Variants in ELP4 observed in about 807,000 individuals in gnomAD.
ELP4 encodes the protein elongator acetyltransferase complex subunit 4.
In ELP4, 51 loss-of-function variants were observed where a neutral mutation model predicts 48.9. That is an observed-to-expected ratio of 1.04 (90% CI 0.83 to 1.32). The LOEUF is 1.32. Among genes scored for constraint, ELP4 ranks in the 40% most tolerant of loss-of-function variants. The pLI is 0.00. For missense variants in ELP4, 519 were observed against 514.6 expected (o/e 1.01, Z -0.08); for synonymous variants, 210 against 189.2 (o/e 1.11, Z -0.90).
At position 31,790,161 on chromosome 11, in the gene ELP4, C is replaced by T; in HGVS notation, c.*6637C>T. 4.6e-6 allele frequency: 3 copies of T among 658,524 alleles called. No individual in the cohort carries two copies. The highest frequency in any genetic ancestry group is 7.8e-6 in the Non-Finnish European group (3 of 385,988). 40.8% of individuals were successfully genotyped at this position (658,524 alleles called of 1,614,324 possible). A position where few individuals can be genotyped will look rare whatever the true frequency, so the allele number is the denominator to read the frequency against. The stretch of plus-strand genomic sequence containing the variant: ...ATTTTTTACTGTATTAAAATCACTT[C>T]AATTGTTACAAATAAAAGTAGCACC... On this transcript the variant is annotated 3_prime_UTR_variant, in exon 10 of 10. Coordinates refer to ENST00000640961, the MANE Select transcript of ELP4 (RefSeq NM_019040.5).
chr11:31,774,178 A>AT lies in ELP4; in HGVS notation c.1144-9215_1144-9214insT, dbSNP rs1171219957. On this transcript the variant is annotated intron_variant, in intron 9 of 9. Coordinates refer to ENST00000640961, the MANE Select transcript of ELP4 (RefSeq NM_019040.5). Reference sequence around the variant, plus strand: ...CAACAAAGCGAGACTGTCTCAAAATAAATTTTTTAAAAAGACTTAACATTC... The same window carrying AT: ...CAACAAAGCGAGACTGTCTCAAAATATAATTTTTTAAAAAGACTTAACATTC... Among the ~76,000 whole-genome samples the AT allele has an allele frequency of 3.9e-5, 6 of 152,308 alleles. No individual in the cohort carries two copies. In the East Asian group the frequency reaches 1.2e-3, roughly 29 times the overall value.
At chr11:31,589,439 T>C (rs1957533465) in intron 3 of ELP4, among the ~76,000 whole-genome samples, 1 of 152,144 alleles carries the variant, frequency 6.6e-6, no homozygotes, top group Non-Finnish European at 1.5e-5. Context: ...TATATATAAA[T>C]ATGGACAGTA....
chr11:31,770,419 G>A (rs909564451), intron 9 of ELP4, among the ~76,000 whole-genome samples: 4 of 152,068 alleles, frequency 2.6e-5, no homozygotes, highest in Non-Finnish European at 4.4e-5. Context: ...GGAGAGAGGG[G>A]GCTGGTCAGG....
intron 9 of ELP4, among the ~76,000 whole-genome samples, chr11:31,768,851 C>A (rs1169348070): frequency 6.6e-6 from 1 of 152,064 alleles, no homozygotes; most frequent in African/African-American, 2.4e-5. Context: ...TAGAAGCAGC[C>A]CTATCTGGGG....
chr11:31,626,135 GCA>G (rs2134036106), intron 5 of ELP4, among the ~76,000 whole-genome samples: 1 of 151,836 alleles, frequency 6.6e-6, no homozygotes, highest in South Asian at 2.1e-4. Flanking sequence ...CATTGATTTT[GCA>G]CACTAAGCAG....
intron 9 of ELP4, among the ~76,000 whole-genome samples, chr11:31,751,843 T>C (rs1210886573): frequency 6.6e-6 from 1 of 152,140 alleles, no homozygotes; most frequent in Non-Finnish European, 1.5e-5. Context: ...TCTCATTGAC[T>C]CCTCACCTCC....
At chr11:31,772,665 G>C (rs545761202) in intron 9 of ELP4, among the ~76,000 whole-genome samples, 1 of 152,288 alleles carries the variant, frequency 6.6e-6, no homozygotes, top group African/African-American at 2.4e-5. Context: ...CCTCACTTCT[G>C]CTCTTTTCCC....
At chr11:31,564,554 G>A (rs186014155) in intron 3 of ELP4, among the ~76,000 whole-genome samples, 42 of 152,040 alleles carry the variant, frequency 2.8e-4, no homozygotes, top group African/African-American at 1.0e-3. Flanking sequence ...ACAAGCCCCG[G>A]TGTGTGATGT....
intron 9 of ELP4, among the ~76,000 whole-genome samples, chr11:31,671,253 C>CA (rs1175650757): frequency 1.3e-5 from 2 of 151,808 alleles, no homozygotes; most frequent in Non-Finnish European, 2.9e-5. Flanking sequence ...TTTTTTGGAC[C>CA]AAAAAAATTG....
chr11:31,636,901 A>G (rs1944990077), intron 7 of ELP4, among the ~76,000 whole-genome samples: 1 of 152,008 alleles, frequency 6.6e-6, no homozygotes, highest in South Asian at 2.1e-4. Context: ...TTAAGTGTAT[A>G]TGCATATAAT....
chr11:31,536,652 T>G (rs1956506724), intron 2 of ELP4, among the ~76,000 whole-genome samples: 1 of 152,214 alleles, frequency 6.6e-6, no homozygotes, highest in Non-Finnish European at 1.5e-5. Context: ...GCATCTGGTC[T>G]GCCAAACTGT....
chr11:31,677,880 TACTAA>T (rs1435195903), intron 9 of ELP4, among the ~76,000 whole-genome samples: 7 of 152,200 alleles, frequency 4.6e-5, no homozygotes, highest in Non-Finnish European at 1.0e-4. Flanking sequence ...CCATACTTTA[TACTAA>T]GATTCACTCT....
At chr11:31,661,798 A>G (rs1166356376) in intron 9 of ELP4, among the ~76,000 whole-genome samples, 3 of 152,124 alleles carry the variant, frequency 2.0e-5, no homozygotes, top group Non-Finnish European at 4.4e-5. Context: ...ATCAGCTAAT[A>G]AGATAATGAG....
intron 5 of ELP4, among the ~76,000 whole-genome samples, chr11:31,616,308 AG>A (rs1448417626): frequency 1.3e-5 from 2 of 152,128 alleles, no homozygotes; most frequent in Admixed American, 1.3e-4. Flanking sequence ...AATCTTCAAC[AG>A]GGTACCAAGG....
chr11:31,517,594 A>G lies in ELP4; in HGVS notation c.224-2462A>G, dbSNP rs374870339. Among the ~76,000 whole-genome samples the G allele has an allele frequency of 3.5e-4, 53 of 152,122 alleles. 1 individual carries two copies. Among genetic ancestry groups the G allele is most frequent in the African/African-American group, 1.2e-3 (50 of 41,512 alleles). On this transcript the variant is annotated intron_variant, in intron 1 of 9. Transcript: ENST00000640961. Reference sequence around the variant, plus strand: ...TGTATACAAAAAACAAACAATTAACATTGACTCCAGTTGTCCAACAACTTT... The same window carrying G: ...TGTATACAAAAAACAAACAATTAACGTTGACTCCAGTTGTCCAACAACTTT...
intron 9 of ELP4, among the ~76,000 whole-genome samples, chr11:31,710,450 C>A (rs1244198344): frequency 2.0e-5 from 3 of 151,980 alleles, no homozygotes; most frequent in Non-Finnish European, 4.4e-5. Context: ...CATGGTGAAA[C>A]CCTGTCTCCA....
intron 9 of ELP4, among the ~76,000 whole-genome samples, chr11:31,725,335 A>G (rs1592255987): frequency 6.6e-6 from 1 of 152,160 alleles, no homozygotes; most frequent in African/African-American, 2.4e-5. Flanking sequence ...CATCTTGGGT[A>G]GAACACCAGC....
At chr11:31,705,156 T>C (rs2134162921) in intron 9 of ELP4, among the ~76,000 whole-genome samples, 1 of 152,254 alleles carries the variant, frequency 6.6e-6, no homozygotes, top group East Asian at 1.9e-4. Context: ...ATTTGGCTCA[T>C]GGTTTTGGAG....
At chr11:31,528,002 T>C (rs1406996820) in intron 2 of ELP4, among the ~76,000 whole-genome samples, 1 of 152,102 alleles carries the variant, frequency 6.6e-6, no homozygotes, top group African/African-American at 2.4e-5. Flanking sequence ...TCTTTCTTGC[T>C]GCCTTTTATT....
Sources: gnomAD v4.1 joint callset for allele counts (sites outside exome capture counted in the v4.1 genomes callset) on GRCh38, gnomAD v4.1.1 for gene constraint, MANE v1.5 for transcripts, NCBI Gene and HGNC (gene_info 2026-07-23, HGNC 2026-07-21) for gene names.